Variants in TANC2 observed in about 807,000 individuals in gnomAD.
TANC2 encodes tetratricopeptide repeat, ankyrin repeat and coiled-coil containing 2.
Under a neutral mutation model 210.5 loss-of-function variants are expected in TANC2, and 26 were observed. The observed-to-expected ratio is 0.12, with a 90% CI of 0.09 to 0.17. The LOEUF (loss-of-function observed/expected upper bound fraction) is 0.17. Ranked by LOEUF, TANC2 falls within the 10% of genes least tolerant of loss-of-function variation. The pLI is 1.00. For synonymous variants in TANC2, 931 were observed against 967.1 expected (o/e 0.96, Z 0.69); for missense variants, 2,129 against 2,608.9 (o/e 0.82, Z 4.01).
At chr17:63,026,506 A>G (rs1013101361) in intron 2 of TANC2, among the ~76,000 whole-genome samples, 8 of 152,138 alleles carry the variant, frequency 5.3e-5, no homozygotes, top group African/African-American at 1.9e-4. Context: ...GACATTTTTG[A>G]GGTAGACTAT....
chr17:63,013,633 A>G (rs974286773), intron 2 of TANC2, among the ~76,000 whole-genome samples: 1 of 152,062 alleles, frequency 6.6e-6, no homozygotes, highest in Non-Finnish European at 1.5e-5. Flanking sequence ...GTGTTGGCAC[A>G]TGCCTGTAAT....
chr17:63,312,974 GT>G (rs2045180256), intron 9 of TANC2, among the ~76,000 whole-genome samples: 1 of 152,184 alleles, frequency 6.6e-6, no homozygotes, highest in Admixed American at 6.5e-5. Flanking sequence ...CTTTCAGGCA[GT>G]TTTAAATGAG....
intron 4 of TANC2, among the ~76,000 whole-genome samples, chr17:63,146,864 ACCTG>A (rs1431088757): frequency 6.6e-6 from 1 of 151,964 alleles, no homozygotes; most frequent in East Asian, 1.9e-4. Context: ...TCCCTCAACC[ACCTG>A]CCTCCCAGGT....
intron 5 of TANC2, among the ~76,000 whole-genome samples, chr17:63,162,888 CTT>C (rs1567776107): frequency 1.3e-5 from 2 of 152,022 alleles, no homozygotes; most frequent in African/African-American, 4.8e-5. Context: ...TAATGTCCCA[CTT>C]AACGTTAGTG....
chr17:63,268,600 G>A (rs2043601181), intron 9 of TANC2, among the ~76,000 whole-genome samples: 1 of 152,104 alleles, frequency 6.6e-6, no homozygotes, highest in Non-Finnish European at 1.5e-5. Flanking sequence ...TTTTGCTAGG[G>A]AATTTTTTTC....
chr17:63,158,298 T>TACC (rs2039907609), intron 5 of TANC2, among the ~76,000 whole-genome samples: 3 of 152,352 alleles, frequency 2.0e-5, no homozygotes, highest in African/African-American at 7.2e-5. Context: ...AATAAGCTAG[T>TACC]ACCTATAATT....
At chr17:63,331,130 T>C (rs2146712596) in intron 11 of TANC2, among the ~76,000 whole-genome samples, 1 of 152,348 alleles carries the variant, frequency 6.6e-6, no homozygotes, top group South Asian at 2.1e-4. Context: ...CCAAGTGTGT[T>C]TCCAAATATT....
intron 1 of TANC2, among the ~76,000 whole-genome samples, chr17:62,978,335 T>G (rs188277082): frequency 4.5e-4 from 69 of 152,344 alleles, no homozygotes; most frequent in Admixed American, 2.7e-3. Flanking sequence ...TCTCTTTTTT[T>G]GGGGAGAGTT....
chr17:62,967,226 A>G (rs1049298205), intron 1 of TANC2: 2 of 152,244 alleles, frequency 1.3e-5, no homozygotes, highest in African/African-American at 4.8e-5. Flanking sequence ...GTGTAGCATA[A>G]TAAAAGATTA....
chr17:63,331,717 A>G (rs1307157402), intron 11 of TANC2, among the ~76,000 whole-genome samples: 3 of 152,224 alleles, frequency 2.0e-5, no homozygotes. Flanking sequence ...TCTAAATTCT[A>G]TTTCATACGT....
At chr17:63,230,464 A>T (rs2145997756) in intron 7 of TANC2, among the ~76,000 whole-genome samples, 1 of 152,246 alleles carries the variant, frequency 6.6e-6, no homozygotes, top group Non-Finnish European at 1.5e-5. Context: ...TGTGTCCCAG[A>T]GATTCTGGTA....
At chr17:63,018,545 G>A (rs1167864576) in intron 2 of TANC2, among the ~76,000 whole-genome samples, 2 of 151,178 alleles carry the variant, frequency 1.3e-5, no homozygotes, top group South Asian at 2.1e-4. Flanking sequence ...GAATAATATA[G>A]AGAGATCTTG....
intron 5 of TANC2, among the ~76,000 whole-genome samples, chr17:63,189,985 A>G (rs536139031): frequency 9.2e-5 from 14 of 152,290 alleles, no homozygotes; most frequent in Admixed American, 4.6e-4. Context: ...AGTTGTCCCA[A>G]CACCGTTGAA....
intron 2 of TANC2, among the ~76,000 whole-genome samples, chr17:63,043,838 A>C (rs1568339891): frequency 6.6e-6 from 1 of 152,178 alleles, no homozygotes; most frequent in Non-Finnish European, 1.5e-5. Flanking sequence ...AGCAATTTAA[A>C]AGCCCATAGC....
At chr17:63,005,481 CAAAA>C (rs34681292) in intron 1 of TANC2, among the ~76,000 whole-genome samples, 1,912 of 146,202 alleles carry the variant, frequency 0.013, 41 homozygotes, top group African/African-American at 0.045. Context: ...TAAAAAATAA[CAAAA>C]AAAAAAGCCT....
intron 9 of TANC2, among the ~76,000 whole-genome samples, chr17:63,287,945 G>A (rs747564593): frequency 2.6e-5 from 4 of 152,134 alleles, no homozygotes; most frequent in Non-Finnish European, 4.4e-5. Flanking sequence ...CCAAAGTGCT[G>A]GGATTACAGG....
intron 1 of TANC2, among the ~76,000 whole-genome samples, chr17:62,975,783 A>G (rs2031968667): frequency 6.6e-6 from 1 of 152,082 alleles, no homozygotes; most frequent in South Asian, 2.1e-4. Flanking sequence ...TCTATCTCAC[A>G]GGGTTTTTAT....
chr17:63,159,882 AT>A (rs1383657203), intron 5 of TANC2, among the ~76,000 whole-genome samples: 1 of 152,182 alleles, frequency 6.6e-6, no homozygotes, highest in Non-Finnish European at 1.5e-5. Context: ...AATACCATAG[AT>A]TGGGTGGCTT....
intron 5 of TANC2, among the ~76,000 whole-genome samples, chr17:63,190,421 C>A (rs552707180): frequency 5.8e-4 from 88 of 152,212 alleles, no homozygotes; most frequent in African/African-American, 2.1e-3. Context: ...TATTCTGATG[C>A]CAGTACCATA....
Sources: gnomAD v4.1 joint callset for allele counts (sites outside exome capture counted in the v4.1 genomes callset) on GRCh38, gnomAD v4.1.1 for gene constraint, MANE v1.5 for transcripts, NCBI Gene and HGNC (gene_info 2026-07-23, HGNC 2026-07-21) for gene names.